The following GABRG3 variants were observed in gnomAD, a reference collection of about 807,000 sequenced individuals.
GABRG3 encodes gamma-aminobutyric acid type A receptor subunit gamma3.
Under a neutral mutation model 48.8 loss-of-function variants are expected in GABRG3, and 25 were observed. The ratio of observed to expected loss-of-function variants is 0.51; its 90% CI spans 0.37 to 0.72. GABRG3 has a LOEUF of 0.72. Among genes scored for constraint, GABRG3 ranks in the 30% least tolerant of loss-of-function variants. GABRG3 has a pLI of 0.00. For synonymous variants in GABRG3, 227 were observed against 217.6 expected (o/e 1.04, Z -0.38); for missense variants, 394 against 577.9 (o/e 0.68, Z 3.26).
intron 5 of GABRG3, among the ~76,000 whole-genome samples, chr15:27,403,744 C>A (rs1887540462): frequency 6.6e-6 from 1 of 150,720 alleles, no homozygotes; most frequent in South Asian, 2.1e-4. Flanking sequence ...GAAACCCCGT[C>A]TCTACTAAAA....
intron 3 of GABRG3, among the ~76,000 whole-genome samples, chr15:27,309,502 G>T (rs1343284365): frequency 6.6e-6 from 1 of 151,846 alleles, no homozygotes; most frequent in Non-Finnish European, 1.5e-5. Flanking sequence ...AAAAAACTTG[G>T]TAAAAGGCAT....
chr15:27,179,340 C>T lies in GABRG3; in HGVS notation c.271-147469C>T, dbSNP rs1887849942. ...GGCCAATGCACTTTATCATATGTGTCCGTGAGAATAGCACATTAGCCACAT... is the reference window on the plus strand; with the variant it reads ...GGCCAATGCACTTTATCATATGTGTTCGTGAGAATAGCACATTAGCCACAT... On this transcript the variant is annotated intron_variant, in intron 3 of 9. Coordinates refer to ENST00000615808, the MANE Select transcript of GABRG3 (RefSeq NM_033223.5). This position sits in a 1 kb window ranked among gnomAD's most constrained non-coding sequence, Gnocchi z 4.0. 6.6e-6 allele frequency among the ~76,000 whole-genome samples: 1 copy of T among 152,176 alleles called. No individual in the cohort carries two copies. The highest frequency in any genetic ancestry group is 1.5e-5 in the Non-Finnish European group (1 of 68,038).
At chr15:27,288,545 C>T (rs1362414134) in intron 3 of GABRG3, among the ~76,000 whole-genome samples, 1 of 151,976 alleles carries the variant, frequency 6.6e-6, no homozygotes, top group East Asian at 1.9e-4. Context: ...AATGCTGCCA[C>T]TGATCTGACA....
intron 3 of GABRG3, among the ~76,000 whole-genome samples, chr15:27,112,244 G>A (rs1243530444): frequency 2.6e-5 from 4 of 152,032 alleles, no homozygotes; most frequent in East Asian, 1.9e-4. Context: ...GGGTAACAGT[G>A]TTTTCCGGTG....
chr15:27,364,893 T>C (rs2140549986), intron 5 of GABRG3: 1 of 152,306 alleles, frequency 6.6e-6, no homozygotes, highest in South Asian at 2.1e-4. Flanking sequence ...CTCAGATGTG[T>C]CGTGACTTTT....
At chr15:27,425,025 C>T (rs1020587915) in intron 5 of GABRG3, among the ~76,000 whole-genome samples, 1 of 152,158 alleles carries the variant, frequency 6.6e-6, no homozygotes, top group African/African-American at 2.4e-5. Flanking sequence ...CAAGACAAAT[C>T]TCCAGTGGAA....
At position 27,008,661 on chromosome 15, in the gene GABRG3, C is replaced by T. The variant is rs147109274; in HGVS notation, c.203-18093C>T. 9.8e-3 allele frequency among the ~76,000 whole-genome samples: 1,485 copies of T among 152,020 alleles called. 13 individuals carry two copies. The highest frequency in any genetic ancestry group is 0.02 in the South Asian group (97 of 4,810). ...TTTTTTTTTTATAACATTCTCCCCC[C>T]ACCACTCCCTACCATCCCCCTGCAA... On this transcript the variant is annotated intron_variant, in intron 2 of 9. Coordinates refer to ENST00000615808, the MANE Select transcript of GABRG3 (RefSeq NM_033223.5).
chr15:27,388,319 A>AGGGGAAGGAAGGAAGG (rs1344067436), intron 5 of GABRG3, among the ~76,000 whole-genome samples: 2 of 36,992 alleles, frequency 5.4e-5, no homozygotes, highest in African/African-American at 2.6e-4. Flanking sequence ...GGAGGGAGGG[A>AGGGGAAGGAAGGAAGG]AAAGAAGGAA....
intron 3 of GABRG3, among the ~76,000 whole-genome samples, chr15:27,244,830 A>T (rs1366795890): frequency 1.3e-5 from 2 of 151,872 alleles, no homozygotes; most frequent in Admixed American, 6.6e-5. Context: ...TATTTCCTTA[A>T]TTTTTTTCTT....
chr15:27,001,946 G>A (rs1895457071), intron 2 of GABRG3, among the ~76,000 whole-genome samples: 1 of 146,008 alleles, frequency 6.8e-6, no homozygotes, highest in Non-Finnish European at 1.5e-5. Context: ...GGATTGTTTG[G>A]GTATTATGAT....
chr15:27,441,120 C>CA (rs1389268608), intron 5 of GABRG3, among the ~76,000 whole-genome samples: 1 of 152,102 alleles, frequency 6.6e-6, no homozygotes, highest in Non-Finnish European at 1.5e-5. Context: ...AAAGGTACAG[C>CA]AAAAAATAGG....
chr15:27,491,037 A>G (rs1343948424), intron 6 of GABRG3, among the ~76,000 whole-genome samples: 1 of 152,202 alleles, frequency 6.6e-6, no homozygotes, highest in Non-Finnish European at 1.5e-5. Flanking sequence ...CACTCCATTT[A>G]TCAGAACACC....
In GABRG3 at chr15:27,453,947, T is replaced by C. The variant is rs192934783; in HGVS notation, c.575-26703T>C. ...CCATTCCCTTGTCCAGCATTCCCAT[T>C]GTCCCTTTAACTGTTTCTCAGCTAT... is the stretch of plus-strand genomic sequence containing the variant. On this transcript the variant is annotated intron_variant, in intron 5 of 9. Coordinates refer to ENST00000615808, the MANE Select transcript of GABRG3 (RefSeq NM_033223.5). 3.2e-3 allele frequency among the ~76,000 whole-genome samples: 492 copies of C among 152,256 alleles called. 1 individual carries two copies. The highest frequency in any genetic ancestry group is 0.011 in the African/African-American group (446 of 41,546).
intron 3 of GABRG3, among the ~76,000 whole-genome samples, chr15:27,039,736 A>C (rs1314621815): frequency 6.6e-6 from 1 of 152,218 alleles, no homozygotes; most frequent in Non-Finnish European, 1.5e-5. Context: ...TTTATGAGGC[A>C]GAACTGTATT....
In GABRG3 at chr15:27,063,895, C is replaced by T. The variant is rs1047979548; in HGVS notation, c.270+37074C>T. Among the ~76,000 whole-genome samples the T allele has an allele frequency of 9.2e-5, 14 of 152,330 alleles. No individual in the cohort carries two copies. In the East Asian group the frequency reaches 2.5e-3, roughly 27 times the overall value. ...CCCGGCCTGCTCACCCACTTCCCCACACCCCTTCTCCTTTTGCCTCCTTTC... is the reference window on the plus strand; with the variant it reads ...CCCGGCCTGCTCACCCACTTCCCCATACCCCTTCTCCTTTTGCCTCCTTTC... On this transcript the variant is annotated intron_variant, in intron 3 of 9. Transcript: ENST00000615808.
chr15:27,028,428 C>T (rs1241275207), intron 3 of GABRG3, among the ~76,000 whole-genome samples: 1 of 152,150 alleles, frequency 6.6e-6, no homozygotes, highest in Non-Finnish European at 1.5e-5. Context: ...TCAGCCTTCT[C>T]TTCATCCAAA....
intron 3 of GABRG3, among the ~76,000 whole-genome samples, chr15:27,061,847 G>A (rs770210692): frequency 9.5e-4 from 145 of 152,010 alleles, no homozygotes; most frequent in Middle Eastern, 3.2e-3. Context: ...CCCCTCTCCC[G>A]CCCCGTGTGG....
chr15:27,446,001 T>A (rs1246688553), intron 5 of GABRG3, among the ~76,000 whole-genome samples: 2 of 152,216 alleles, frequency 1.3e-5, no homozygotes, highest in Non-Finnish European at 2.9e-5. Flanking sequence ...TTTGTTGATC[T>A]ATATTTCTAT....
chr15:27,281,460 T>C (rs185520873), intron 3 of GABRG3, among the ~76,000 whole-genome samples: 6 of 149,052 alleles, frequency 4.0e-5, no homozygotes, highest in African/African-American at 1.5e-4. Flanking sequence ...ATTTGTTTCA[T>C]TTTCCTGTGG....
Sources: gnomAD v4.1 joint callset for allele counts (sites outside exome capture counted in the v4.1 genomes callset) on GRCh38, gnomAD v4.1.1 for gene constraint, Gnocchi (gnomAD v3.1) non-coding constraint, MANE v1.5 for transcripts, NCBI Gene and HGNC (gene_info 2026-07-23, HGNC 2026-07-21) for gene names.